CALN1: variants seen among roughly 807,000 people sequenced by gnomAD.
CALN1 encodes calcium-binding protein 8.
CALN1 carries 17 observed loss-of-function variants against 30.6 expected under a neutral mutation model. That is an observed-to-expected ratio of 0.56 (90% confidence interval 0.38 to 0.83). The LOEUF is 0.83. Among genes scored for constraint, CALN1 ranks in the 40% least tolerant of loss-of-function variants. The pLI, the probability that CALN1 is intolerant of heterozygous loss-of-function variation, is 0.00. For missense variants in CALN1, 291 were observed against 354.9 expected (o/e 0.82, Z 1.45); for synonymous variants, 156 against 131.4 (o/e 1.19, Z -1.28).
chr7:71,933,362 TA>T, intron 5 of CALN1, among the ~76,000 whole-genome samples: 1 of 152,300 alleles, frequency 6.6e-6, no homozygotes, highest in Admixed American at 6.5e-5. Context: ...AGCCTGCTTA[TA>T]AAATCTGGTG....
intron 1 of CALN1, among the ~76,000 whole-genome samples, 161 bp downstream of exon 1, chr7:72,411,897 G>A (rs1029771525): frequency 2.6e-5 from 4 of 152,168 alleles, no homozygotes; most frequent in East Asian, 1.9e-4. Flanking sequence ...CTCTTTTAGA[G>A]AGGTATCATA....
At chr7:72,319,372 G>T (rs2129557142) in intron 2 of CALN1, among the ~76,000 whole-genome samples, 1 of 152,300 alleles carries the variant, frequency 6.6e-6, no homozygotes, top group African/African-American at 2.4e-5. Flanking sequence ...GAGAGCTTGT[G>T]CAGGGAAACT....
the CALN1 span, among the ~76,000 whole-genome samples, chr7:72,467,434 G>T: frequency 6.6e-6 from 1 of 152,110 alleles, no homozygotes; most frequent in East Asian, 1.9e-4. Context: ...CCTGGAGCTC[G>T]GCCAGGACTC....
intron 2 of CALN1, among the ~76,000 whole-genome samples, chr7:72,311,612 T>C (rs556311740): frequency 6.6e-6 from 1 of 150,638 alleles, no homozygotes; most frequent in East Asian, 2.0e-4. Flanking sequence ...CCCAAGTAGC[T>C]GGGACTACAG....
intron 1 of CALN1, among the ~76,000 whole-genome samples, 192 bp downstream of exon 1, chr7:72,411,866 C>T (rs140100280): frequency 1.6e-3 from 243 of 152,218 alleles, no homozygotes; most frequent in African/African-American, 5.5e-3. Context: ...CCAGGATAAC[C>T]AAATAGTTGA....
intron 4 of CALN1, among the ~76,000 whole-genome samples, chr7:72,035,341 A>G (rs1801731431): frequency 6.6e-6 from 1 of 152,094 alleles, no homozygotes; most frequent in South Asian, 2.1e-4. Context: ...GACTACTCCA[A>G]GTATCTCATG....
chr7:71,954,672 G>A (rs527606809), intron 5 of CALN1, among the ~76,000 whole-genome samples: 12 of 152,126 alleles, frequency 7.9e-5, no homozygotes, highest in East Asian at 7.8e-4. Flanking sequence ...AAGAAGATAC[G>A]GATTGAGAAT....
intron 2 of CALN1, among the ~76,000 whole-genome samples, chr7:72,296,307 T>C (rs1286790419): frequency 2.1e-5 from 3 of 143,632 alleles, no homozygotes; most frequent in African/African-American, 7.7e-5. Context: ...TCATCAAGGA[T>C]ATTGGTCTAA....
intron 5 of CALN1, among the ~76,000 whole-genome samples, chr7:71,921,976 T>G (rs1260665488): frequency 3.3e-5 from 5 of 152,148 alleles, no homozygotes; most frequent in Non-Finnish European, 5.9e-5. Context: ...ACATTTCCAT[T>G]AGGCAACAAT....
chr7:72,015,724 G>GT (rs1800341196), intron 5 of CALN1, among the ~76,000 whole-genome samples: 1 of 152,140 alleles, frequency 6.6e-6, no homozygotes, highest in Admixed American at 6.6e-5. Context: ...GATTATAGGT[G>GT]TGAGTCACTT....
At chr7:72,073,538 C>T (rs1423617404) in intron 4 of CALN1, among the ~76,000 whole-genome samples, 1 of 152,166 alleles carries the variant, frequency 6.6e-6, no homozygotes, top group Non-Finnish European at 1.5e-5. Context: ...GGTGATTAAA[C>T]ACCAGCCTGG....
At chr7:72,018,679 G>A (rs757998741) in intron 5 of CALN1, among the ~76,000 whole-genome samples, 24 of 152,220 alleles carry the variant, frequency 1.6e-4, no homozygotes, top group Middle Eastern at 6.8e-3. Context: ...CCCCTTCACT[G>A]TTAATCAATT....
At chr7:71,902,155 C>T (rs1276831736) in intron 5 of CALN1, among the ~76,000 whole-genome samples, 1 of 152,038 alleles carries the variant, frequency 6.6e-6, no homozygotes, top group East Asian at 1.9e-4. Context: ...ACCTGGGAGG[C>T]GGAGCTTGCA....
chr7:72,298,276 C>T (rs992323765), intron 2 of CALN1, among the ~76,000 whole-genome samples: 11 of 152,242 alleles, frequency 7.2e-5, no homozygotes, highest in African/African-American at 2.6e-4. Flanking sequence ...AAGAACTTTG[C>T]CCTGAAATAA....
intron 3 of CALN1, among the ~76,000 whole-genome samples, chr7:72,145,431 A>C (rs1585034399): frequency 6.6e-6 from 1 of 152,328 alleles, no homozygotes; most frequent in East Asian, 1.9e-4. Flanking sequence ...GAAGAAGTTG[A>C]ATCTCTGAAT....
chr7:72,230,141 A>AAAAAAC (rs904307587), intron 3 of CALN1, among the ~76,000 whole-genome samples: 26 of 151,844 alleles, frequency 1.7e-4, no homozygotes, highest in Non-Finnish European at 1.5e-4. Context: ...ACTCCGTCTC[A>AAAAAAC]AAAAACAAAA....
intron 5 of CALN1, among the ~76,000 whole-genome samples, chr7:71,971,264 C>A (rs991934678): frequency 2.6e-5 from 4 of 152,184 alleles, no homozygotes; most frequent in Non-Finnish European, 4.4e-5. Context: ...GCCTGGCCAA[C>A]ATGGTGAAAC....
chr7:72,213,069 T>A lies in CALN1; in HGVS notation c.244+65617A>T, dbSNP rs1289338378. On this transcript the variant is annotated intron_variant, in intron 3 of 6. Transcript: ENST00000395275. ...CTTGTGATCAACCTGCTGACGAATT[T>A]CTGCTCAGAATGAAAATCACTCTGA... Among the ~76,000 whole-genome samples, 3 of 152,308 alleles carry A rather than the reference T, an allele frequency of 2.0e-5. No individual in the cohort carries two copies. In the East Asian group the frequency reaches 5.8e-4, roughly 29 times the overall value.
rs545903138 is a variant in CALN1, at chr7:72,332,162, T to C, written c.120-53352A>G. ...TGTCAATGGGAGACAGCAACTTTCATTGAAGCAGCAGTGTACAGCAGCAGC... is the reference window on the plus strand; with the variant it reads ...TGTCAATGGGAGACAGCAACTTTCACTGAAGCAGCAGTGTACAGCAGCAGC... On this transcript the variant is annotated intron_variant, in intron 2 of 6. Coordinates refer to ENST00000395275, the MANE Select transcript of CALN1 (RefSeq NM_031468.4). Among the ~76,000 whole-genome samples, 59 of 152,294 alleles carry C rather than the reference T, an allele frequency of 3.9e-4. 1 individual carries two copies. Among genetic ancestry groups the C allele is most frequent in the African/African-American group, 8.2e-4 (34 of 41,564 alleles).
Sources: gnomAD v4.1 joint callset for allele counts (sites outside exome capture counted in the v4.1 genomes callset) on GRCh38, gnomAD v4.1.1 for gene constraint, MANE v1.5 for transcripts, NCBI Gene and HGNC (gene_info 2026-07-23, HGNC 2026-07-21) for gene names.